Variants in PRUNE2 observed in about 807,000 individuals in gnomAD.
The protein encoded by PRUNE2 is prune homolog 2 with BCH domain.
In PRUNE2, 164 loss-of-function variants were observed where a neutral mutation model predicts 252.0. The observed-to-expected ratio is 0.65, with a 90% CI of 0.57 to 0.74. The LOEUF is 0.74. Among genes scored for constraint, PRUNE2 ranks in the 30% least tolerant of loss-of-function variants. The probability of loss-of-function intolerance (pLI) is 0.00; values close to 1 mark genes in which losing one functional copy is unlikely to be tolerated. For missense variants in PRUNE2, 3,495 were observed against 3,711.0 expected (o/e 0.94, Z 1.51); for synonymous variants, 1,292 against 1,350.2 (o/e 0.96, Z 0.94).
intron 4 of PRUNE2, among the ~76,000 whole-genome samples, chr9:76,834,623 A>G (rs2058852537): frequency 6.6e-6 from 1 of 152,148 alleles, no homozygotes; most frequent in Non-Finnish European, 1.5e-5. Flanking sequence ...TTAAACAGAG[A>G]CCTATGGAAT....
At chr9:76,717,077 C>T (rs975746121) in intron 6 of PRUNE2, among the ~76,000 whole-genome samples, 1 of 152,172 alleles carries the variant, frequency 6.6e-6, no homozygotes, top group African/African-American at 2.4e-5. Context: ...ACCCCAAATT[C>T]CACAGGACCA....
intron 18 of PRUNE2, 72 bp from the exon 19 acceptor site, chr9:76,614,672 C>T (rs1564305480): frequency 8.5e-7 from 1 of 1,183,000 alleles, no homozygotes; most frequent in Non-Finnish European, 1.2e-6. Context: ...ATTTGGGTAG[C>T]ACTGTGTTTG....
intron 1 of PRUNE2, among the ~76,000 whole-genome samples, chr9:76,895,368 T>C (rs920602190): frequency 6.6e-6 from 1 of 152,128 alleles, no homozygotes; most frequent in African/African-American, 2.4e-5. Context: ...CACATCAGAC[T>C]CACATTTTTG....
At chr9:76,851,134 G>C (rs2059931749) in intron 2 of PRUNE2, among the ~76,000 whole-genome samples, 1 of 152,074 alleles carries the variant, frequency 6.6e-6, no homozygotes, top group South Asian at 2.1e-4. Context: ...AATTGAGGCA[G>C]GGTGGGTGGG....
intron 9 of PRUNE2, among the ~76,000 whole-genome samples, chr9:76,681,373 G>C (rs758107002): frequency 6.7e-6 from 1 of 150,180 alleles, no homozygotes; most frequent in African/African-American, 2.5e-5. Context: ...CAATGTGAAT[G>C]TACCTACCAT....
intron 1 of PRUNE2, among the ~76,000 whole-genome samples, chr9:76,903,655 T>C (rs1213917411): frequency 6.6e-6 from 1 of 152,174 alleles, no homozygotes; most frequent in Non-Finnish European, 1.5e-5. Context: ...TGGCACAATC[T>C]CGACTCACTG....
intron 6 of PRUNE2, among the ~76,000 whole-genome samples, chr9:76,822,231 G>T (rs2058074237): frequency 6.6e-6 from 1 of 152,144 alleles, no homozygotes; most frequent in Admixed American, 6.5e-5. Flanking sequence ...TTATCAATCT[G>T]AAAGTCCATA....
Position 76,773,438 on chromosome 9 carries a change from CTT to C in PRUNE2, c.756+50192_756+50193del, listed in dbSNP as rs35078779. Among the ~76,000 whole-genome samples the C allele has an allele frequency of 7.0e-3, 749 of 107,566 alleles. 3 individuals are homozygous for C. The highest frequency in any genetic ancestry group is 0.023 in the African/African-American group (653 of 27,912). 70.6% of individuals were successfully genotyped at this position (107,566 alleles called of 152,430 possible). A position where few individuals can be genotyped will look rare whatever the true frequency, so the allele number is the denominator to read the frequency against. ...TCACATCACATACACACTAGTACAT[CTT>C]TTTTTTTTTTTTTTTTTTTTGAGAC... On this transcript the variant is annotated intron_variant, in intron 6 of 18. Transcript: ENST00000376718.
chr9:76,622,764 A>C (rs963515709), intron 17 of PRUNE2, among the ~76,000 whole-genome samples: 1 of 152,106 alleles, frequency 6.6e-6, no homozygotes, highest in Non-Finnish European at 1.5e-5. Context: ...GATCAAGACT[A>C]AGAAGATTTT....
intron 9 of PRUNE2, chr9:76,691,968 C>G: frequency 1.5e-6 from 1 of 672,760 alleles, no homozygotes; most frequent in South Asian, 1.6e-5. Context: ...CCGTCTCCCC[C>G]GCCAACTTCC....
chr9:76,899,715 C>T (rs2063056089), intron 1 of PRUNE2, among the ~76,000 whole-genome samples: 1 of 151,986 alleles, frequency 6.6e-6, no homozygotes, highest in Admixed American at 6.6e-5. Flanking sequence ...ACAAACATGC[C>T]CAATAGAGAT....
chr9:76,787,510 C>T (rs2055112130), intron 6 of PRUNE2: 2 of 152,008 alleles, frequency 1.3e-5, no homozygotes, highest in Admixed American at 6.6e-5. Context: ...ACCTGTGTAA[C>T]AAACCTACAC....
chr9:76,739,087 A>G (rs1439144067), intron 6 of PRUNE2: 1 of 152,204 alleles, frequency 6.6e-6, no homozygotes, highest in Non-Finnish European at 1.5e-5. Flanking sequence ...AAGGGCCTCA[A>G]CCAAACTACA....
At chr9:76,810,107 G>A (rs369316186) in intron 6 of PRUNE2, among the ~76,000 whole-genome samples, 11 of 152,330 alleles carry the variant, frequency 7.2e-5, no homozygotes, top group African/African-American at 1.9e-4. Flanking sequence ...CCTGGCATAC[G>A]CATTTGCAGA....
chr9:76,860,564 T>G (rs1430064549), intron 1 of PRUNE2, among the ~76,000 whole-genome samples: 1 of 152,202 alleles, frequency 6.6e-6, no homozygotes, highest in Non-Finnish European at 1.5e-5. Flanking sequence ...TGCAATACAG[T>G]TATAAGATGA....
intron 6 of PRUNE2, among the ~76,000 whole-genome samples, chr9:76,795,303 G>T (rs138331283): frequency 6.6e-6 from 1 of 152,048 alleles, no homozygotes. Context: ...ACATCACACC[G>T]TCAAAACACC....
intron 6 of PRUNE2, among the ~76,000 whole-genome samples, chr9:76,725,515 C>T (rs1210352481): frequency 6.6e-6 from 1 of 152,152 alleles, no homozygotes; most frequent in African/African-American, 2.4e-5. Flanking sequence ...TATGGTTGTG[C>T]CCCCTTTGCT....
intron 4 of PRUNE2, among the ~76,000 whole-genome samples, chr9:76,843,399 C>A (rs2059501266): frequency 6.6e-6 from 1 of 152,122 alleles, no homozygotes; most frequent in South Asian, 2.1e-4. Context: ...TGCAGCAAAC[C>A]ACCATGGCAC....
intron 4 of PRUNE2, among the ~76,000 whole-genome samples, chr9:76,832,556 TTTAAA>T (rs1395921205): frequency 1.3e-5 from 2 of 152,072 alleles, no homozygotes; most frequent in Non-Finnish European, 2.9e-5. Flanking sequence ...AATATGACAC[TTTAAA>T]TTGTGAGATT....
Sources: gnomAD v4.1 joint callset for allele counts (sites outside exome capture counted in the v4.1 genomes callset) on GRCh38, gnomAD v4.1.1 for gene constraint, MANE v1.5 for transcripts, NCBI Gene and HGNC (gene_info 2026-07-23, HGNC 2026-07-21) for gene names.